The following AKAP13 variants were observed in gnomAD, a reference collection of about 807,000 sequenced individuals.
The protein encoded by AKAP13 is A-kinase anchor protein 13.
A neutral mutation model predicts 264.5 loss-of-function variants in AKAP13; 80 were observed. That is an observed-to-expected ratio of 0.30 (90% CI 0.25 to 0.36). AKAP13 has a LOEUF of 0.36. AKAP13 is among the 10% of genes least tolerant of loss of function. The pLI, the probability that AKAP13 is intolerant of heterozygous loss-of-function variation, is 1.00. For synonymous variants in AKAP13, 1,380 were observed against 1,250.2 expected, an observed-to-expected ratio of 1.10 and a Z score of -2.19; for missense variants, 3,712 against 3,435.2, an observed-to-expected ratio of 1.08 and a Z score of -2.01.
chr15:85,682,347 A>G, intron 15 of AKAP13, 135 bp downstream of exon 15: 1 of 904,300 alleles, frequency 1.1e-6, no homozygotes. Context: ...TGGAATAATG[A>G]TTAAAAGTGG....
At chr15:85,503,027 T>C (rs1232422146) in intron 2 of AKAP13, among the ~76,000 whole-genome samples, 2 of 152,192 alleles carry the variant, frequency 1.3e-5, no homozygotes, top group East Asian at 3.8e-4. Flanking sequence ...TCTATTTACT[T>C]GGGAATGGAT....
rs2089452909 is a variant in AKAP13 at position 85,749,250 on chromosome 15, C to T, written c.*4573C>T. On this transcript the variant is annotated 3_prime_UTR_variant, in exon 37 of 37. Coordinates refer to ENST00000394518, the MANE Select transcript of AKAP13 (RefSeq NM_007200.5). Reference sequence around the variant, plus strand: ...TGTGTTTTCTCGAATTTTGCCACAACATACTGGCTTCGTATTTTATTTATC... The same window carrying T: ...TGTGTTTTCTCGAATTTTGCCACAATATACTGGCTTCGTATTTTATTTATC... 1 of 152,220 alleles carries T rather than the reference C, an allele frequency of 6.6e-6. No homozygotes were observed. Among genetic ancestry groups the T allele is most frequent in the Admixed American group, 6.5e-5 (1 of 15,284 alleles). 9.4% of individuals were successfully genotyped at this position (152,220 alleles called of 1,614,324 possible).
chr15:85,598,779 T>C (rs1049008445), intron 8 of AKAP13, among the ~76,000 whole-genome samples: 2 of 152,204 alleles, frequency 1.3e-5, no homozygotes, highest in Non-Finnish European at 2.9e-5. Flanking sequence ...TAGGCCTATC[T>C]ACACCACTGT....
chr15:85,382,726 C>T (rs192776646), intron 1 of AKAP13, among the ~76,000 whole-genome samples: 1 of 152,214 alleles, frequency 6.6e-6, no homozygotes, highest in Non-Finnish European at 1.5e-5. Flanking sequence ...CTCCTCTAGT[C>T]CTTTAACTCC....
chr15:85,628,807 C>G (rs1163744504), intron 8 of AKAP13, among the ~76,000 whole-genome samples: 2 of 152,090 alleles, frequency 1.3e-5, no homozygotes, highest in Non-Finnish European at 1.5e-5. Context: ...TCCAATAAAT[C>G]TTTCTTGAAG....
rs1349028301 is a variant in AKAP13, at chr15:85,388,488, A to G, written c.-12+7690A>G. 2.0e-5 allele frequency among the ~76,000 whole-genome samples: 3 copies of G among 152,190 alleles called. No homozygotes were observed. In the East Asian group the frequency reaches 5.8e-4, roughly 29 times the overall value. ...TTTGACCATTAATATGATGGTAGCC[A>G]TAGGTGTTTGTTTTTGTAGATGTCT... On this transcript the variant is annotated intron_variant, in intron 1 of 36. Transcript: ENST00000394518.
At chr15:85,534,219 A>T (rs1048351785) in intron 4 of AKAP13, 3 of 342,154 alleles carry the variant, frequency 8.8e-6, no homozygotes, top group Non-Finnish European at 1.6e-5. Flanking sequence ...GTGTTTAATG[A>T]TCAAAGACAT....
intron 23 of AKAP13, among the ~76,000 whole-genome samples, chr15:85,720,643 A>G (rs745454463): frequency 6.6e-6 from 1 of 152,194 alleles, no homozygotes; most frequent in Non-Finnish European, 1.5e-5. Flanking sequence ...CAAAGATGCA[A>G]ATTCCCCAAA....
At chr15:85,611,356 A>G (rs1419848068) in intron 8 of AKAP13, among the ~76,000 whole-genome samples, 11 of 152,150 alleles carry the variant, frequency 7.2e-5, no homozygotes, top group African/African-American at 2.7e-4. Flanking sequence ...AAGTGAATTC[A>G]TCATCTGATC....
At chr15:85,565,853 A>G (rs531153334) in intron 5 of AKAP13, among the ~76,000 whole-genome samples, 2 of 152,348 alleles carry the variant, frequency 1.3e-5, no homozygotes, top group Non-Finnish European at 2.9e-5. Flanking sequence ...ATCTGAAAAC[A>G]TGCAGCTACT....
chr15:85,725,515 C>T (rs2087566109), intron 26 of AKAP13, among the ~76,000 whole-genome samples: 1 of 152,142 alleles, frequency 6.6e-6, no homozygotes, highest in Non-Finnish European at 1.5e-5. Context: ...CCCTAGGAAT[C>T]AGATGTCCTT....
At chr15:85,435,850 C>T (rs1295533111) in intron 1 of AKAP13, among the ~76,000 whole-genome samples, 9 of 148,694 alleles carry the variant, frequency 6.1e-5, no homozygotes, top group Admixed American at 1.3e-4. Context: ...TGGTACCAGC[C>T]GCTGCAAAAT....
intron 2 of AKAP13, among the ~76,000 whole-genome samples, chr15:85,500,598 A>C (rs2076013511): frequency 6.6e-6 from 1 of 152,122 alleles, no homozygotes; most frequent in African/African-American, 2.4e-5. Flanking sequence ...ATTTTTCTGG[A>C]GGATACACGA....
chr15:85,748,462 G>A lies in AKAP13; in HGVS notation c.*3785G>A, dbSNP rs531236507. The A allele has an allele frequency of 2.6e-5, 4 of 152,362 alleles. No homozygotes were observed. The highest frequency in any genetic ancestry group is 9.6e-5 in the African/African-American group (4 of 41,588). 9.4% of individuals were successfully genotyped at this position (152,362 alleles called of 1,614,324 possible). On this transcript the variant is annotated 3_prime_UTR_variant, in exon 37 of 37. Transcript: ENST00000394518. The stretch of plus-strand genomic sequence containing the variant: ...TCTAGGTGCGCAGCCACCTATGGAT[G>A]CGTCCCAGCCAGCCCCGTCGCTCTC...
chr15:85,715,607 G>A (rs373732644), intron 19 of AKAP13, among the ~76,000 whole-genome samples, 181 bp from the exon 20 acceptor site: 2 of 149,888 alleles, frequency 1.3e-5, no homozygotes, highest in South Asian at 2.1e-4. Context: ...TCAGTACCAG[G>A]TGGAGCTGGA....
At chr15:85,402,341 A>G (rs898817060) in intron 1 of AKAP13, among the ~76,000 whole-genome samples, 4 of 152,196 alleles carry the variant, frequency 2.6e-5, no homozygotes, top group African/African-American at 9.7e-5. Context: ...CTGGACTGAA[A>G]TATGTTGAAA....
chr15:85,593,116 C>T (rs1283422987), intron 8 of AKAP13, among the ~76,000 whole-genome samples: 2 of 152,052 alleles, frequency 1.3e-5, no homozygotes, highest in Non-Finnish European at 2.9e-5. Context: ...TCGAGACCAG[C>T]CTGGCCAACA....
intron 8 of AKAP13, among the ~76,000 whole-genome samples, chr15:85,603,251 G>A (rs1242324661): frequency 6.6e-6 from 1 of 152,224 alleles, no homozygotes; most frequent in Non-Finnish European, 1.5e-5. Context: ...GAAGTATTAT[G>A]TGTTTGCTTC....
rs1217627172 is a variant in AKAP13 at position 85,380,633 on chromosome 15, CCGCGGTGAAG to C, written c.-173_-164del. The C allele has an allele frequency of 6.6e-6, 1 of 151,952 alleles. No homozygotes were observed. The highest frequency in any genetic ancestry group is 6.6e-5 in the Admixed American group (1 of 15,256). 9.4% of individuals were successfully genotyped at this position (151,952 alleles called of 1,614,324 possible). A position where few individuals can be genotyped will look rare whatever the true frequency, so the allele number is the denominator to read the frequency against. On this transcript the variant is annotated 5_prime_UTR_variant, in exon 1 of 37. Transcript: ENST00000394518. ...CAGGGCCAGCGCGGAGCCCGAGCAGCCGCGGTGAAGCGCCTGTGCTCTGCCGAGACTGCCG... is the reference window on the plus strand; with the variant it reads ...CAGGGCCAGCGCGGAGCCCGAGCAGCCGCCTGTGCTCTGCCGAGACTGCCG...
Sources: gnomAD v4.1 joint callset for allele counts (sites outside exome capture counted in the v4.1 genomes callset) on GRCh38, gnomAD v4.1.1 for gene constraint, MANE v1.5 for transcripts, NCBI Gene and HGNC (gene_info 2026-07-23, HGNC 2026-07-21) for gene names.